The following BIRC3 variants were observed in gnomAD, a reference collection of about 807,000 sequenced individuals.
BIRC3 encodes baculoviral IAP repeat containing 3.
BIRC3 carries 26 observed loss-of-function variants against 59.0 expected under a neutral mutation model. The observed-to-expected ratio is 0.44, with a 90% CI of 0.32 to 0.61. The LOEUF is 0.61. Ranked by LOEUF, BIRC3 falls within the 20% of genes least tolerant of loss-of-function variation. BIRC3 has a pLI of 0.04. For synonymous variants in BIRC3, 243 were observed against 249.2 expected (o/e 0.98, Z 0.24); for missense variants, 641 against 711.5 (o/e 0.90, Z 1.13).
intron 1 of BIRC3, among the ~76,000 whole-genome samples, chr11:102,320,555 G>T (rs1951021288): frequency 6.6e-6 from 1 of 152,220 alleles, no homozygotes; most frequent in Non-Finnish European, 1.5e-5. Flanking sequence ...GTGAGCCATG[G>T]CATGAGGCCT....
At position 102,324,467 on chromosome 11, in the gene BIRC3, C is replaced by A; in HGVS notation, c.-43C>A. ...GCAAAGCCATGCACAAAACTACCTC[C>A]CTAGAGAAAGGCTAGTCCCTTTTCT... On this transcript the variant is annotated 5_prime_UTR_variant, in exon 2 of 9. Coordinates refer to ENST00000263464, the MANE Select transcript of BIRC3 (RefSeq NM_001165.5). The A allele has an allele frequency of 6.5e-7, 1 of 1,547,406 alleles. No homozygotes were observed.
chr11:102,330,756 T>G (rs1328743898), intron 5 of BIRC3, among the ~76,000 whole-genome samples: 1 of 152,220 alleles, frequency 6.6e-6, no homozygotes, highest in Non-Finnish European at 1.5e-5. Flanking sequence ...CATATGTATA[T>G]CCAGTTATGA....
At position 102,337,641 on chromosome 11, in the gene BIRC3, T is replaced by A. The variant is rs1305673747; in HGVS notation, c.*539T>A. 3.0e-6 allele frequency: 1 copy of A among 335,840 alleles called. No individual in the cohort carries two copies. Among genetic ancestry groups the A allele is most frequent in the Non-Finnish European group, 5.4e-6 (1 of 186,620 alleles). The allele number at this position is 335,840 out of a possible 1,614,324, so 20.8% of individuals were successfully genotyped here. On this transcript the variant is annotated 3_prime_UTR_variant, in exon 9 of 9. Transcript: ENST00000263464. ...TGATCAGTGTCCTATACATCGAAGG[T>A]GTGCATATATGTTGAATGACATTTT... is the stretch of plus-strand genomic sequence containing the variant.
intron 1 of BIRC3, among the ~76,000 whole-genome samples, chr11:102,318,418 A>C (rs1950995820): frequency 6.6e-6 from 1 of 152,230 alleles, no homozygotes; most frequent in African/African-American, 2.4e-5. Context: ...TGATAGAAGT[A>C]CTGTGGTCAC....
intron 3 of BIRC3, among the ~76,000 whole-genome samples, chr11:102,326,289 A>T (rs1386848657): frequency 3.3e-5 from 5 of 152,234 alleles, no homozygotes; most frequent in African/African-American, 9.6e-5. Context: ...TAGAAATGCC[A>T]GGCAGGTTAC....
intron 6 of BIRC3, among the ~76,000 whole-genome samples, chr11:102,332,228 T>C (rs1305132007): frequency 6.6e-6 from 1 of 152,194 alleles, no homozygotes; most frequent in African/African-American, 2.4e-5. Context: ...CTATCATCAT[T>C]CTGTCCTAGA....
chr11:102,323,372 C>T lies in BIRC3; in HGVS notation c.-1138C>T, dbSNP rs1037106280. The T allele has an allele frequency of 1.6e-4, 31 of 193,202 alleles. No individual in the cohort carries two copies. The highest frequency in any genetic ancestry group is 6.9e-4 in the African/African-American group (30 of 43,270). 12.0% of individuals were successfully genotyped at this position (193,202 alleles called of 1,614,324 possible). ...GTAGTTTGGGCAGAGTCTCTTTTTGCAGCACCTGTTGTCTACCATAATTAC... is the reference window on the plus strand; with the variant it reads ...GTAGTTTGGGCAGAGTCTCTTTTTGTAGCACCTGTTGTCTACCATAATTAC... On this transcript the variant is annotated 5_prime_UTR_variant, in exon 2 of 9. Coordinates refer to ENST00000263464, the MANE Select transcript of BIRC3 (RefSeq NM_001165.5).
At chr11:102,333,073 T>C (rs1951160441) in intron 6 of BIRC3, among the ~76,000 whole-genome samples, 1 of 152,212 alleles carries the variant, frequency 6.6e-6, no homozygotes, top group Non-Finnish European at 1.5e-5. Context: ...TAATTTACAT[T>C]GTGAAAAAGA....
chr11:102,339,210 G>GT lies in BIRC3; in HGVS notation c.*2119dup, dbSNP rs11403428. On this transcript the variant is annotated 3_prime_UTR_variant, in exon 9 of 9. Transcript: ENST00000263464. ...AGTAGGCACCCTTTTTGCACCATGT[G>GT]TTTTTTTTTTTATCTAGTTCTTGTA... The GT allele has an allele frequency of 0.64, 115,058 of 181,162 alleles. 34,243 individuals carry two copies. Among genetic ancestry groups the GT allele is most frequent in the African/African-American group, 0.73 (30,449 of 41,702 alleles). 11.2% of individuals were successfully genotyped at this position (181,162 alleles called of 1,614,324 possible). A position where few individuals can be genotyped will look rare whatever the true frequency, so the allele number is the denominator to read the frequency against.
intron 6 of BIRC3, among the ~76,000 whole-genome samples, chr11:102,333,751 T>G (rs558810488): frequency 6.6e-6 from 1 of 151,986 alleles, no homozygotes; most frequent in East Asian, 1.9e-4. Context: ...GTTTTAAAAA[T>G]GAATAAATAA....
chr11:102,332,337 A>G (rs112081129), intron 6 of BIRC3, among the ~76,000 whole-genome samples: 35 of 152,304 alleles, frequency 2.3e-4, no homozygotes, highest in African/African-American at 7.9e-4. Flanking sequence ...ACAAGCTCTT[A>G]CTGGAGACTT....
At chr11:102,318,276 C>T (rs978457835) in intron 1 of BIRC3, among the ~76,000 whole-genome samples, 1 of 152,156 alleles carries the variant, frequency 6.6e-6, no homozygotes. Flanking sequence ...AACTGAGGCT[C>T]TTGGAGATTT....
intron 6 of BIRC3, among the ~76,000 whole-genome samples, chr11:102,332,610 G>A (rs1475631795): frequency 6.6e-6 from 1 of 152,164 alleles, no homozygotes; most frequent in Non-Finnish European, 1.5e-5. Context: ...AAGGCCATCT[G>A]GGATCTATTT....
chr11:102,328,902 A>G lies in BIRC3; in HGVS notation c.1038A>G (p.Leu346=). ...TATATTTTTTTTTTCTGCAGCTGCT[A>G]TCCACATCAGACAGCCCAGGAGATG... ...ASYPHLLEQL[L]STSDSPGDEN... The change falls in exon 5 of 9, where the codon CTA becomes CTG. Residue 346 remains leucine (L), a synonymous_variant. Transcript: ENST00000263464. The G allele has an allele frequency of 7.4e-7, 1 of 1,348,728 alleles. No homozygotes were observed. Among genetic ancestry groups the G allele is most frequent in the Non-Finnish European group, 9.7e-7 (1 of 1,035,902 alleles). 83.5% of individuals were successfully genotyped at this position (1,348,728 alleles called of 1,614,324 possible).
chr11:102,321,826 T>G lies in BIRC3; in HGVS notation c.-2673-11T>G. The G allele has an allele frequency of 5.6e-6, 1 of 177,688 alleles. No individual in the cohort carries two copies. The highest frequency in any genetic ancestry group is 1.2e-5 in the Non-Finnish European group (1 of 82,486). The allele number at this position is 177,688 out of a possible 1,614,324, so 11.0% of individuals were successfully genotyped here. On this transcript the variant is annotated splice_polypyrimidine_tract_variant and intron_variant, in intron 1 of 8. Transcript: ENST00000263464. The stretch of plus-strand genomic sequence containing the variant: ...AGTTTTAAAACTGTCTTTTTGTTTG[T>G]TTTTGAACAGGTTTACAAAGGAGGA...
intron 6 of BIRC3, among the ~76,000 whole-genome samples, chr11:102,332,452 T>C (rs968931408): frequency 1.3e-5 from 2 of 152,214 alleles, no homozygotes; most frequent in South Asian, 2.1e-4. Context: ...CTCCCCTGCC[T>C]AGCTTCTGGT....
rs1951226414 is a variant in BIRC3 at position 102,338,830 on chromosome 11, G to A, written c.*1728G>A. The A allele has an allele frequency of 4.4e-6, 1 of 225,092 alleles. No individual in the cohort carries two copies. The highest frequency in any genetic ancestry group is 2.2e-5 in the African/African-American group (1 of 44,820). 13.9% of individuals were successfully genotyped at this position (225,092 alleles called of 1,614,324 possible). On this transcript the variant is annotated 3_prime_UTR_variant, in exon 9 of 9. Transcript: ENST00000263464. ...TCCAGTTTCTATGACCTACCTTGGGGAAGAGGAATTCAAGTTTCTGTGGCT... is the reference window on the plus strand; with the variant it reads ...TCCAGTTTCTATGACCTACCTTGGGAAAGAGGAATTCAAGTTTCTGTGGCT...
At chr11:102,336,736 A>G (rs1217877481) in intron 7 of BIRC3, 24 bp from the exon 8 acceptor site, 1 of 1,597,626 alleles carries the variant, frequency 6.3e-7, no homozygotes, top group Non-Finnish European at 8.5e-7. Flanking sequence ...TGTCATAGTA[A>G]TGCTTTTTCT....
At chr11:102,333,054 A>G (rs1256983771) in intron 6 of BIRC3, among the ~76,000 whole-genome samples, 1 of 152,230 alleles carries the variant, frequency 6.6e-6, no homozygotes, top group East Asian at 1.9e-4. Flanking sequence ...TCAAGTCAAC[A>G]ATATATAATA....
Sources: gnomAD v4.1 joint callset for allele counts (sites outside exome capture counted in the v4.1 genomes callset) on GRCh38, gnomAD v4.1.1 for gene constraint, MANE v1.5 for transcripts, NCBI Gene and HGNC (gene_info 2026-07-23, HGNC 2026-07-21) for gene names.